Variants in MGAT4C observed in about 807,000 individuals in gnomAD.
The protein encoded by MGAT4C is MGAT4 family member C, also known as alpha-1,3-mannosyl-glycoprotein 4-beta-N-acetylglucosaminyltransferase C.
Under a neutral mutation model 40.1 loss-of-function variants are expected in MGAT4C, and 19 were observed. The ratio of observed to expected loss-of-function variants is 0.47; its 90% confidence interval spans 0.33 to 0.70. The LOEUF (loss-of-function observed/expected upper bound fraction) is 0.70. MGAT4C is among the 30% of genes least tolerant of loss of function. The pLI is 0.02. For synonymous variants in MGAT4C, 181 were observed against 187.1 expected, an observed-to-expected ratio of 0.97 and a Z score of 0.27; for missense variants, 491 against 563.2, an observed-to-expected ratio of 0.87 and a Z score of 1.30.
At chr12:86,281,097 C>T (rs1042140195) in intron 4 of MGAT4C, among the ~76,000 whole-genome samples, 4 of 151,938 alleles carry the variant, frequency 2.6e-5, no homozygotes, top group African/African-American at 7.2e-5. Flanking sequence ...TGGTTGCATA[C>T]ATTTTTGTTA....
intron 1 of MGAT4C, among the ~76,000 whole-genome samples, chr12:86,101,558 G>C (rs973601609): frequency 6.6e-6 from 1 of 151,708 alleles, no homozygotes; most frequent in Non-Finnish European, 1.5e-5. Context: ...TCTAAACATA[G>C]AGATTGCTAA....
chr12:86,229,541 AT>A (rs1951231675), intron 1 of MGAT4C, among the ~76,000 whole-genome samples: 1 of 152,014 alleles, frequency 6.6e-6, no homozygotes, highest in Admixed American at 6.6e-5. Flanking sequence ...CTTAGTTTAC[AT>A]TGGTTATATT....
At chr12:86,672,312 C>A (rs972518630) in intron 2 of MGAT4C, among the ~76,000 whole-genome samples, 2 of 151,882 alleles carry the variant, frequency 1.3e-5, no homozygotes, top group Admixed American at 1.3e-4. Context: ...TAGGGCTATA[C>A]GTGTCTGCAA....
intron 2 of MGAT4C, among the ~76,000 whole-genome samples, chr12:86,010,809 G>A (rs1004528754): frequency 1.3e-5 from 2 of 152,148 alleles, no homozygotes; most frequent in Admixed American, 1.3e-4. Flanking sequence ...CCTTGTGAAT[G>A]GATTAATCCA....
chr12:86,559,415 C>T (rs1565848711), intron 2 of MGAT4C, among the ~76,000 whole-genome samples: 1 of 151,612 alleles, frequency 6.6e-6, no homozygotes, highest in Non-Finnish European at 1.5e-5. Flanking sequence ...CATATTAGTC[C>T]ACAAAAAAAC....
chr12:86,648,699 C>T (rs1262862797), intron 2 of MGAT4C, among the ~76,000 whole-genome samples: 1 of 151,800 alleles, frequency 6.6e-6, no homozygotes, highest in Non-Finnish European at 1.5e-5. Flanking sequence ...AAGTGCTTGC[C>T]GTTTAAGCCA....
At position 85,975,509 on chromosome 12, in the gene MGAT4C, T is replaced by C. The variant is rs1883906494; in HGVS notation, c.*3780A>G. 2.0e-5 allele frequency: 3 copies of C among 150,918 alleles called. No homozygotes were observed. The highest frequency in any genetic ancestry group is 1.3e-4 in the Admixed American group (2 of 15,092). 9.3% of individuals were successfully genotyped at this position (150,918 alleles called of 1,614,324 possible). ...TTTCAAGAAGGTTAAGTAAATTTCC[T>C]CATATTGGGAGGCTGGTAATGCAGA... On this transcript the variant is annotated 3_prime_UTR_variant, in exon 5 of 5. Coordinates refer to ENST00000611864, the MANE Select transcript of MGAT4C (RefSeq NM_001351288.2).
chr12:86,236,835 T>C (rs1371262474), intron 1 of MGAT4C, among the ~76,000 whole-genome samples: 1 of 151,932 alleles, frequency 6.6e-6, no homozygotes, highest in Non-Finnish European at 1.5e-5. Flanking sequence ...GCCATGAGAC[T>C]AAAAAGCAGA....
Position 86,382,874 on chromosome 12 carries a change from T to G in MGAT4C, c.-119-48747A>C, listed in dbSNP as rs189526389. On this transcript the variant is annotated intron_variant, in intron 3 of 7. Coordinates refer to the MGAT4C transcript ENST00000548651. ...GGAGCCTTTGGCTTGATTTCAGATTTATGGAAATGCCTGAATGGCCAGGCA... is the reference window on the plus strand; with the variant it reads ...GGAGCCTTTGGCTTGATTTCAGATTGATGGAAATGCCTGAATGGCCAGGCA... Among the ~76,000 whole-genome samples the G allele has an allele frequency of 1.4e-3, 207 of 152,296 alleles. 1 individual carries two copies. Among genetic ancestry groups the G allele is most frequent in the African/African-American group, 4.7e-3 (195 of 41,574 alleles).
intron 1 of MGAT4C, among the ~76,000 whole-genome samples, chr12:86,764,775 G>C (rs1178030028): frequency 6.6e-6 from 1 of 152,166 alleles, no homozygotes; most frequent in Non-Finnish European, 1.5e-5. Flanking sequence ...TGGACCTCTA[G>C]CAAACTCCAA....
At chr12:86,224,659 T>C (rs931650429) in intron 1 of MGAT4C, among the ~76,000 whole-genome samples, 7 of 152,156 alleles carry the variant, frequency 4.6e-5, no homozygotes, top group Non-Finnish European at 1.0e-4. Context: ...CTTTGGAAAG[T>C]ATACAAATAT....
At chr12:86,191,083 GCACACACACACACACACACACACACACA>G (rs56357601) in intron 1 of MGAT4C, among the ~76,000 whole-genome samples, 2 of 138,470 alleles carry the variant, frequency 1.4e-5, no homozygotes, top group Non-Finnish European at 3.1e-5. Flanking sequence ...CTCTCTCTCT[GCACACACACACACACACACACACACACA>G]CACACACACA....
intron 1 of MGAT4C, among the ~76,000 whole-genome samples, chr12:86,173,991 T>G (rs1373385322): frequency 6.6e-6 from 1 of 151,996 alleles, no homozygotes; most frequent in Non-Finnish European, 1.5e-5. Context: ...AATGCAATGT[T>G]GTCACATTCA....
Position 86,421,037 on chromosome 12 carries a change from A to G in MGAT4C, c.-120+14120T>C, listed in dbSNP as rs1339089500. 5.9e-5 allele frequency among the ~76,000 whole-genome samples: 9 copies of G among 152,178 alleles called. 1 individual carries two copies. The highest frequency in any genetic ancestry group is 2.2e-4 in the African/African-American group (9 of 41,548). On this transcript the variant is annotated intron_variant, in intron 3 of 7. Transcript: ENST00000548651. ...TCAAAACTCCTTTTATAGTAATAAA[A>G]TATAGTGAGACATTGTGAACCAAAC...
intron 2 of MGAT4C, among the ~76,000 whole-genome samples, chr12:86,702,272 T>C (rs1950376575): frequency 6.6e-6 from 1 of 151,874 alleles, no homozygotes. Flanking sequence ...CTTGAATTTC[T>C]GCGCTCAAGC....
intron 2 of MGAT4C, among the ~76,000 whole-genome samples, chr12:86,552,042 A>C (rs796914745): frequency 7.3e-5 from 11 of 150,078 alleles, no homozygotes; most frequent in African/African-American, 1.2e-4. Context: ...AAAAAAAAAA[A>C]CCAAAAAACA....
chr12:86,442,377 T>C (rs1250600914), intron 2 of MGAT4C, among the ~76,000 whole-genome samples: 1 of 152,226 alleles, frequency 6.6e-6, no homozygotes, highest in African/African-American at 2.4e-5. Context: ...TTTTGGCTTG[T>C]GTTGCCATCG....
intron 2 of MGAT4C, among the ~76,000 whole-genome samples, chr12:86,677,483 A>C (rs1949888780): frequency 1.3e-5 from 2 of 152,146 alleles, no homozygotes; most frequent in Admixed American, 1.3e-4. Context: ...ACATCTTCTT[A>C]ATTTCATGCC....
intron 2 of MGAT4C, among the ~76,000 whole-genome samples, chr12:86,631,416 T>C (rs1338866444): frequency 6.6e-6 from 1 of 152,044 alleles, no homozygotes; most frequent in Admixed American, 6.5e-5. Context: ...TTGAAGTTCA[T>C]ATGGAACCAA....
Sources: allele counts gnomAD v4.1 joint callset (sites outside exome capture counted in the v4.1 genomes callset), GRCh38; gene constraint gnomAD v4.1.1; transcripts MANE v1.5; gene names NCBI Gene and HGNC (gene_info 2026-07-23, HGNC 2026-07-21).